PHKB: variants seen among roughly 807,000 people sequenced by gnomAD.
The protein encoded by PHKB is phosphorylase b kinase regulatory subunit beta.
In PHKB, 122 loss-of-function variants were observed where a neutral mutation model predicts 152.1. The ratio of observed to expected loss-of-function variants is 0.80; its 90% confidence interval spans 0.69 to 0.93. The LOEUF (loss-of-function observed/expected upper bound fraction) is 0.93. Ranked by LOEUF, PHKB falls within the 40% of genes least tolerant of loss-of-function variation. The pLI, the probability that PHKB is intolerant of heterozygous loss-of-function variation, is 0.00. For synonymous variants in PHKB, 436 were observed against 464.9 expected, an observed-to-expected ratio of 0.94 and a Z score of 0.80; for missense variants, 1,304 against 1,328.4, an observed-to-expected ratio of 0.98 and a Z score of 0.29.
intron 7 of PHKB, among the ~76,000 whole-genome samples, chr16:47,568,450 CA>C (rs1971604367): frequency 6.6e-6 from 1 of 152,050 alleles, no homozygotes; most frequent in Non-Finnish European, 1.5e-5. Context: ...AGTGGTCTGT[CA>C]TTTTTGTTTA....
rs144802484 is a variant in PHKB at position 47,588,980 on chromosome 16, A to T, written c.946A>T (p.Thr316Ser). The change falls in exon 10 of 31, where the codon ACA becomes TCA. Residue 316 changes from threonine (T) to serine (S), a missense_variant. Transcript: ENST00000323584. ...ALDDEVLFSQ[T>S]LDKVVRKLKG... is the part of the protein sequence containing the mutation. Reference sequence around the variant, plus strand: ...GGATGATGAAGTTCTTTTTAGCCAGACACTTGATAAAGTGGTTAGAAAATT... The same window carrying T: ...GGATGATGAAGTTCTTTTTAGCCAGTCACTTGATAAAGTGGTTAGAAAATT... The T allele has an allele frequency of 1.9e-6, 3 of 1,613,954 alleles. No individual in the cohort carries two copies. Among genetic ancestry groups the T allele is most frequent in the Non-Finnish European group, 2.5e-6 (3 of 1,179,840 alleles).
intron 4 of PHKB, among the ~76,000 whole-genome samples, chr16:47,508,863 A>G (rs780815425): frequency 5.3e-5 from 8 of 152,096 alleles, no homozygotes; most frequent in Admixed American, 4.6e-4. Context: ...TATACTTTGG[A>G]CCTTATTTTT....
At chr16:47,525,291 T>TA (rs1970747343) in intron 6 of PHKB, among the ~76,000 whole-genome samples, 1 of 152,224 alleles carries the variant, frequency 6.6e-6, no homozygotes, top group African/African-American at 2.4e-5. Context: ...CTGGAGTTTT[T>TA]ACCCACAAAT....
At chr16:47,494,208 TAAATAACTA>T in intron 1 of PHKB, among the ~76,000 whole-genome samples, 1 of 152,164 alleles carries the variant, frequency 6.6e-6, no homozygotes, top group Non-Finnish European at 1.5e-5. Context: ...ATGTTAACCT[TAAATAACTA>T]GATTCCGAAA....
At chr16:47,518,801 A>G (rs755537373) in intron 6 of PHKB, among the ~76,000 whole-genome samples, 36 of 152,192 alleles carry the variant, frequency 2.4e-4, no homozygotes, top group Non-Finnish European at 4.6e-4. Context: ...ACCTAAGTCA[A>G]TCCTTTTGAT....
chr16:47,612,944 T>G (rs1485022562), intron 14 of PHKB, among the ~76,000 whole-genome samples: 1 of 152,190 alleles, frequency 6.6e-6, no homozygotes, highest in Non-Finnish European at 1.5e-5. Context: ...TTTGAAATGT[T>G]GGTGTCAGTA....
rs757003045 is a variant in PHKB at position 47,596,516 on chromosome 16, A to G, written c.1348A>G (p.Ile450Val). 3.1e-6 allele frequency: 5 copies of G among 1,613,824 alleles called. No homozygotes were observed. The highest frequency in any genetic ancestry group is 1.7e-6 in the Non-Finnish European group (2 of 1,179,744). The change falls in exon 13 of 31, where the codon ATC becomes GTC. Residue 450 changes from isoleucine (I) to valine (V), a missense_variant. Transcript: ENST00000323584. ...TCTTTGGGGACAAGCACTTTATATC[A>G]TCGCAAAACTCCTGGGTAAGTGGAG... ...LFLWGQALYI[I>V]AKLLADELIS...
intron 16 of PHKB, 101 bp from the exon 17 acceptor site, chr16:47,648,432 T>A: frequency 1.1e-6 from 1 of 881,556 alleles, no homozygotes; most frequent in Non-Finnish European, 1.9e-6. Flanking sequence ...CCCTAGCTTC[T>A]TTCTCTCTGG....
At chr16:47,599,031 T>C in intron 13 of PHKB, 1 of 699,582 alleles carries the variant, frequency 1.4e-6, no homozygotes, top group South Asian at 1.8e-5. Context: ...GATCAACACA[T>C]GAAATAGTTT....
At chr16:47,638,065 C>T (rs1283633957) in intron 14 of PHKB, among the ~76,000 whole-genome samples, 1 of 152,120 alleles carries the variant, frequency 6.6e-6, no homozygotes, top group Non-Finnish European at 1.5e-5. Flanking sequence ...CCCCTTATCC[C>T]CTGCCAATAC....
intron 14 of PHKB, among the ~76,000 whole-genome samples, chr16:47,620,834 A>G (rs1213118271): frequency 2.0e-5 from 3 of 152,182 alleles, no homozygotes; most frequent in Non-Finnish European, 4.4e-5. Flanking sequence ...AGATTGTGCC[A>G]CTGCAGTTCA....
intron 20 of PHKB, among the ~76,000 whole-genome samples, chr16:47,656,779 C>A (rs1437962384): frequency 1.3e-5 from 2 of 152,000 alleles, no homozygotes; most frequent in Admixed American, 1.3e-4. Context: ...CAGATCCTTT[C>A]AAATTTCCTT....
chr16:47,522,739 T>A lies in PHKB; in HGVS notation c.594+7138T>A, dbSNP rs564851706. The stretch of plus-strand genomic sequence containing the variant: ...TAGTTTTGATATTCTGTGGTTTTTT[T>A]ATTCATTCATCTCAATGTGTTTTTT... On this transcript the variant is annotated intron_variant, in intron 6 of 30. Coordinates refer to ENST00000323584, the MANE Select transcript of PHKB (RefSeq NM_000293.3). 7.6e-4 allele frequency among the ~76,000 whole-genome samples: 116 copies of A among 152,038 alleles called. 1 individual carries two copies. Among genetic ancestry groups the A allele is most frequent in the Non-Finnish European group, 1.5e-4 (10 of 67,900 alleles).
At chr16:47,613,254 G>A (rs1456960854) in intron 14 of PHKB, among the ~76,000 whole-genome samples, 1 of 152,180 alleles carries the variant, frequency 6.6e-6, no homozygotes, top group Non-Finnish European at 1.5e-5. Flanking sequence ...GAAAAGGCAT[G>A]GGGCAAGTCC....
At chr16:47,490,912 C>T (rs1970139401) in intron 1 of PHKB, among the ~76,000 whole-genome samples, 1 of 152,242 alleles carries the variant, frequency 6.6e-6, no homozygotes, top group South Asian at 2.1e-4. Flanking sequence ...CACGATCCTT[C>T]TGCCACTTGT....
intron 6 of PHKB, among the ~76,000 whole-genome samples, chr16:47,540,093 T>C (rs1031437916): frequency 1.3e-5 from 2 of 152,066 alleles, no homozygotes; most frequent in Non-Finnish European, 2.9e-5. Context: ...GCAAATAATA[T>C]TAATATTAAG....
chr16:47,525,086 T>C (rs770920219), intron 6 of PHKB, among the ~76,000 whole-genome samples: 1 of 152,202 alleles, frequency 6.6e-6, no homozygotes, highest in Non-Finnish European at 1.5e-5. Flanking sequence ...AGAATTTTTA[T>C]TATAATTACA....
At chr16:47,556,568 C>T (rs985603125) in intron 7 of PHKB, among the ~76,000 whole-genome samples, 2 of 152,106 alleles carry the variant, frequency 1.3e-5, no homozygotes, top group African/African-American at 4.8e-5. Context: ...TGCTGGATTA[C>T]ATTTATTGAT....
intron 14 of PHKB, among the ~76,000 whole-genome samples, chr16:47,623,935 ATACTTCT>A (rs904864725): frequency 6.6e-5 from 10 of 152,264 alleles, no homozygotes; most frequent in South Asian, 4.2e-4. Context: ...GTTGTGTCCT[ATACTTCT>A]TAAGAATGGT....
Sources: allele counts gnomAD v4.1 joint callset (sites outside exome capture counted in the v4.1 genomes callset), GRCh38; gene constraint gnomAD v4.1.1; transcripts MANE v1.5; gene names NCBI Gene and HGNC (gene_info 2026-07-23, HGNC 2026-07-21).